Variants in FAM78B observed in about 807,000 individuals in gnomAD.
FAM78B encodes the protein family with sequence similarity 78 member B.
Under a neutral mutation model 20.0 loss-of-function variants are expected in FAM78B, and 10 were observed. That is an observed-to-expected ratio of 0.50 (90% CI 0.31 to 0.85). The LOEUF (loss-of-function observed/expected upper bound fraction) is 0.85. FAM78B is among the 40% of genes least tolerant of loss of function. The pLI, the probability that FAM78B is intolerant of heterozygous loss-of-function variation, is 0.05. For synonymous variants in FAM78B, 135 were observed against 132.8 expected, an observed-to-expected ratio of 1.02 and a Z score of -0.12; for missense variants, 283 against 345.0, an observed-to-expected ratio of 0.82 and a Z score of 1.42.
At chr1:166,095,716 T>C (rs867618130) in intron 1 of FAM78B, among the ~76,000 whole-genome samples, 1 of 151,974 alleles carries the variant, frequency 6.6e-6, no homozygotes, top group Non-Finnish European at 1.5e-5. Flanking sequence ...ACGTGATAGA[T>C]AGTAAGTGCT....
intron 1 of FAM78B, among the ~76,000 whole-genome samples, chr1:166,072,480 G>C (rs543217040): frequency 7.9e-5 from 12 of 152,338 alleles, no homozygotes; most frequent in African/African-American, 2.9e-4. Context: ...CAGCTGGGGG[G>C]TAGTAGCTCC....
intron 1 of FAM78B, among the ~76,000 whole-genome samples, chr1:166,142,066 C>T (rs1655299503): frequency 6.6e-6 from 1 of 152,112 alleles, no homozygotes; most frequent in Non-Finnish European, 1.5e-5. Context: ...ATCAGACTGG[C>T]TGTGAAGGTG....
At position 166,100,520 on chromosome 1, in the gene FAM78B, A is replaced by C. The variant is rs544077493; in HGVS notation, c.264-29757T>G. ...AATACTGTGCTTTTCCGATGGTCTT[A>C]GCAGACAGCACACCAGGAGATTATA... On this transcript the variant is annotated intron_variant, in intron 1 of 1. Transcript: ENST00000354422. Among the ~76,000 whole-genome samples the C allele has an allele frequency of 2.6e-5, 4 of 152,330 alleles. No individual in the cohort carries two copies. The South Asian group carries it at 8.3e-4, about 32-fold the overall frequency.
At chr1:166,114,948 G>C (rs1352876714) in intron 1 of FAM78B, among the ~76,000 whole-genome samples, 1 of 152,156 alleles carries the variant, frequency 6.6e-6, no homozygotes, top group Non-Finnish European at 1.5e-5. Flanking sequence ...GTTCCCTTTA[G>C]CCTTCTCCAT....
chr1:166,090,105 C>A (rs1327729115), intron 1 of FAM78B, among the ~76,000 whole-genome samples: 14 of 152,162 alleles, frequency 9.2e-5, no homozygotes, highest in Non-Finnish European at 1.5e-5. Flanking sequence ...GAGGTTCCTA[C>A]CCAGGTCAGT....
At position 166,137,993 on chromosome 1, in the gene FAM78B, G is replaced by T. The variant is rs531079954; in HGVS notation, c.263+27993C>A. Among the ~76,000 whole-genome samples, 4 of 152,296 alleles carry T rather than the reference G, an allele frequency of 2.6e-5. No homozygotes were observed. In the South Asian group the frequency reaches 6.2e-4, roughly 24 times the overall value. ...AGGTGGCTGGAGGCAAAAAATACTG[G>T]CAGGGCAGGGCTTCTGCCCTCTTAG... On this transcript the variant is annotated intron_variant, in intron 1 of 1. Coordinates refer to ENST00000354422, the MANE Select transcript of FAM78B (RefSeq NM_001017961.5).
At chr1:166,151,694 G>A (rs555291689) in intron 1 of FAM78B, among the ~76,000 whole-genome samples, 1 of 152,312 alleles carries the variant, frequency 6.6e-6, no homozygotes, top group Non-Finnish European at 1.5e-5. Context: ...GTACCCAAAT[G>A]TCTCTGCTTC....
intron 1 of FAM78B, among the ~76,000 whole-genome samples, chr1:166,076,942 G>A (rs1652298421): frequency 6.6e-6 from 1 of 152,112 alleles, no homozygotes; most frequent in African/African-American, 2.4e-5. Context: ...AGCTCTTTGA[G>A]GATGACAGAC....
chr1:166,079,199 C>T (rs1652465762), intron 1 of FAM78B, among the ~76,000 whole-genome samples: 1 of 152,294 alleles, frequency 6.6e-6, no homozygotes, highest in Middle Eastern at 3.4e-3. Flanking sequence ...CGCCAAGTTG[C>T]TGGGATTACA....
chr1:166,109,997 TTG>T (rs1334560863), intron 1 of FAM78B, among the ~76,000 whole-genome samples: 61 of 146,356 alleles, frequency 4.2e-4, no homozygotes, highest in South Asian at 8.9e-4. Flanking sequence ...GAGACTGTTA[TTG>T]TAAGTAAAGT....
intron 1 of FAM78B, among the ~76,000 whole-genome samples, chr1:166,143,158 G>C (rs1258935857): frequency 6.6e-6 from 1 of 152,170 alleles, no homozygotes; most frequent in Non-Finnish European, 1.5e-5. Context: ...GATTAAATGA[G>C]TTAAAACATA....
rs1174559788 is a variant in FAM78B at position 166,077,795 on chromosome 1, TTA to T, written c.264-7034_264-7033del. ...AATTATATATAATAAATACATATAA[TTA>T]TATATATTTATATGTAGATTATATA... On this transcript the variant is annotated intron_variant, in intron 1 of 1. Transcript: ENST00000354422. Among the ~76,000 whole-genome samples the T allele has an allele frequency of 2.3e-5, 3 of 131,452 alleles. 1 individual carries two copies. Among genetic ancestry groups the T allele is most frequent in the South Asian group, 4.5e-4 (2 of 4,426 alleles). The allele number at this position is 131,452 out of a possible 152,430, so 86.2% of individuals were successfully genotyped here. A position where few individuals can be genotyped will look rare whatever the true frequency, so the allele number is the denominator to read the frequency against.
intron 1 of FAM78B, among the ~76,000 whole-genome samples, chr1:166,123,809 G>A (rs1217043308): frequency 6.6e-6 from 1 of 152,156 alleles, no homozygotes; most frequent in East Asian, 1.9e-4. Context: ...CACGCCATGA[G>A]GGGCAAGCTG....
At chr1:166,105,957 A>G (rs1396195457) in intron 1 of FAM78B, among the ~76,000 whole-genome samples, 3 of 152,058 alleles carry the variant, frequency 2.0e-5, no homozygotes, top group African/African-American at 7.2e-5. Flanking sequence ...GAACCAAGCC[A>G]AATGTCCAAC....
intron 1 of FAM78B, among the ~76,000 whole-genome samples, chr1:166,103,006 C>A (rs1300894276): frequency 1.3e-5 from 2 of 152,002 alleles, no homozygotes; most frequent in African/African-American, 4.8e-5. Context: ...ATAACAGTGT[C>A]TCAGACCACA....
At chr1:166,071,795 T>A (rs1652042058) in intron 1 of FAM78B, among the ~76,000 whole-genome samples, 1 of 152,160 alleles carries the variant, frequency 6.6e-6, no homozygotes, top group South Asian at 2.1e-4. Flanking sequence ...AGTCCCTGGT[T>A]TTGGCCACTG....
intron 1 of FAM78B, among the ~76,000 whole-genome samples, chr1:166,118,874 C>T (rs1654360961): frequency 6.6e-6 from 1 of 152,106 alleles, no homozygotes. Context: ...TCCCAATGTC[C>T]CATCCCCAGC....
At chr1:166,151,338 G>A (rs540861658) in intron 1 of FAM78B, among the ~76,000 whole-genome samples, 1 of 152,282 alleles carries the variant, frequency 6.6e-6, no homozygotes, top group African/African-American at 2.4e-5. Flanking sequence ...AACATTCCAA[G>A]ATTTTCCTTT....
chr1:166,088,398 C>T (rs1440106283), intron 1 of FAM78B, among the ~76,000 whole-genome samples: 5 of 152,120 alleles, frequency 3.3e-5, no homozygotes, highest in African/African-American at 1.2e-4. Flanking sequence ...AGTTTTCTCC[C>T]ATCTGCAGAC....
Sources: gnomAD v4.1 joint callset for allele counts (sites outside exome capture counted in the v4.1 genomes callset) on GRCh38, gnomAD v4.1.1 for gene constraint, MANE v1.5 for transcripts, NCBI Gene and HGNC (gene_info 2026-07-23, HGNC 2026-07-21) for gene names.